Variants in RBFOX1 observed in about 807,000 individuals in gnomAD.
RBFOX1 encodes RNA binding protein fox-1 homolog 1.
Under a neutral mutation model 57.7 loss-of-function variants are expected in RBFOX1, and 8 were observed. The ratio of observed to expected loss-of-function variants is 0.14; its 90% CI spans 0.08 to 0.25. RBFOX1 has a LOEUF of 0.25. RBFOX1 is among the 10% of genes least tolerant of loss of function. The pLI, the probability that RBFOX1 is intolerant of heterozygous loss-of-function variation, is 1.00. For missense variants in RBFOX1, 611 were observed against 548.5 expected (o/e 1.11, Z -1.14); for synonymous variants, 326 against 222.4 (o/e 1.47, Z -4.15).
intron 1 of RBFOX1, among the ~76,000 whole-genome samples, chr16:6,244,582 CA>C (rs2097558733): frequency 3.3e-5 from 5 of 152,172 alleles, no homozygotes; most frequent in Admixed American, 6.5e-5. Flanking sequence ...CAGCTCACTG[CA>C]ATGTTCGCCT....
chr16:5,893,857 C>T (rs755270122), intron 4 of RBFOX1, among the ~76,000 whole-genome samples: 2 of 151,796 alleles, frequency 1.3e-5, no homozygotes, highest in Non-Finnish European at 2.9e-5. Context: ...TGCTATGTAC[C>T]TACAAAAATT....
chr16:6,686,156 A>C (rs1312401805), intron 3 of RBFOX1, among the ~76,000 whole-genome samples: 2 of 152,214 alleles, frequency 1.3e-5, no homozygotes, highest in Non-Finnish European at 2.9e-5. Flanking sequence ...AAGCAGAGAG[A>C]ATGTGAAGGA....
intron 3 of RBFOX1, among the ~76,000 whole-genome samples, chr16:6,863,725 CTTTTTTTTTT>C (rs71408412): frequency 1.5e-5 from 1 of 67,778 alleles, no homozygotes; most frequent in South Asian, 6.7e-4. Flanking sequence ...GATGCCTGCG[CTTTTTTTTTT>C]TTTTTTTTTT....
intron 4 of RBFOX1, among the ~76,000 whole-genome samples, chr16:7,259,269 A>AGAGAG (rs1458348832): frequency 7.2e-5 from 11 of 152,340 alleles, no homozygotes; most frequent in African/African-American, 2.6e-4. Flanking sequence ...CTAGTAGGAA[A>AGAGAG]GCAACTGCAA....
chr16:5,363,866 T>C (rs1022138693), intron 1 of RBFOX1, among the ~76,000 whole-genome samples: 1 of 152,194 alleles, frequency 6.6e-6, no homozygotes, highest in Non-Finnish European at 1.5e-5. Flanking sequence ...TGTCTATTCA[T>C]TTTTCTGCCT....
intron 2 of RBFOX1, among the ~76,000 whole-genome samples, chr16:6,380,016 A>G (rs769871154): frequency 1.3e-5 from 2 of 152,158 alleles, no homozygotes; most frequent in African/African-American, 4.8e-5. Flanking sequence ...CCCTGTTAAC[A>G]GGCAAGAAAG....
chr16:7,150,170 C>G lies in RBFOX1; in HGVS notation c.27+98072C>G, dbSNP rs141925518. Among the ~76,000 whole-genome samples the G allele has an allele frequency of 4.4e-3, 663 of 152,240 alleles. 2 individuals are homozygous for G. The highest frequency in any genetic ancestry group is 0.015 in the African/African-American group (634 of 41,532). On this transcript the variant is annotated intron_variant, in intron 4 of 15. Coordinates refer to ENST00000550418, the MANE Select transcript of RBFOX1 (RefSeq NM_018723.4). ...GTTTCCTATTAGCAGCCTCCTTCTG[C>G]TAGAACATGCACATCCGAAGGACAA...
chr16:5,314,228 C>T (rs2064169516), intron 1 of RBFOX1, among the ~76,000 whole-genome samples: 1 of 152,180 alleles, frequency 6.6e-6, no homozygotes, highest in African/African-American at 2.4e-5. Flanking sequence ...TAAGCTTAGG[C>T]AACCCAACTT....
chr16:5,529,302 A>G (rs1254675620), intron 2 of RBFOX1, among the ~76,000 whole-genome samples: 1 of 152,014 alleles, frequency 6.6e-6, no homozygotes, highest in Non-Finnish European at 1.5e-5. Context: ...CTACCTTAGA[A>G]TGTGAGAAAA....
intron 3 of RBFOX1, among the ~76,000 whole-genome samples, chr16:6,713,161 T>C (rs767010096): frequency 9.2e-5 from 14 of 152,098 alleles, no homozygotes; most frequent in Non-Finnish European, 1.6e-4. Flanking sequence ...AATATGCCAA[T>C]CTTTTGTTCC....
intron 3 of RBFOX1, among the ~76,000 whole-genome samples, chr16:6,702,401 A>G (rs551497340): frequency 1.3e-5 from 2 of 152,286 alleles, no homozygotes; most frequent in South Asian, 2.1e-4. Context: ...TAAAAATACA[A>G]AAATCTGCCT....
intron 3 of RBFOX1, among the ~76,000 whole-genome samples, chr16:5,865,274 T>C (rs959237575): frequency 6.6e-6 from 1 of 152,166 alleles, no homozygotes; most frequent in Admixed American, 6.5e-5. Context: ...CCCAGGGATC[T>C]TGTGTGCTTG....
intron 4 of RBFOX1, among the ~76,000 whole-genome samples, chr16:7,413,562 G>A (rs1302884080): frequency 4.6e-5 from 7 of 151,562 alleles, no homozygotes; most frequent in South Asian, 2.1e-4. Context: ...CATCCATTCC[G>A]CCATAGATTC....
intron 4 of RBFOX1, among the ~76,000 whole-genome samples, chr16:5,987,303 G>A (rs182123267): frequency 3.9e-5 from 6 of 152,106 alleles, no homozygotes; most frequent in African/African-American, 1.4e-4. Context: ...TGGGGTATGT[G>A]GTTTACAAAT....
At chr16:7,694,960 A>G (rs2078323777) in intron 14 of RBFOX1, among the ~76,000 whole-genome samples, 1 of 152,200 alleles carries the variant, frequency 6.6e-6, no homozygotes, top group African/African-American at 2.4e-5. Flanking sequence ...CAAACATGAA[A>G]AAGATATTGA....
chr16:6,144,945 C>T (rs930467755), intron 1 of RBFOX1, among the ~76,000 whole-genome samples: 1 of 152,118 alleles, frequency 6.6e-6, no homozygotes, highest in Non-Finnish European at 1.5e-5. Context: ...TGAATTCCCT[C>T]TAGGAAAAGC....
chr16:6,467,584 A>G (rs1273507659), intron 2 of RBFOX1, among the ~76,000 whole-genome samples: 1 of 152,134 alleles, frequency 6.6e-6, no homozygotes, highest in Non-Finnish European at 1.5e-5. Context: ...TTTTGCTCCA[A>G]GCTTTTGGAG....
rs150080253 is a variant in RBFOX1, at chr16:5,891,439, A to C, written c.351+24104A>C. The stretch of plus-strand genomic sequence containing the variant: ...ACACTTTAATTTACATCTTTTAATA[A>C]CTTTGGTTGCCATGGAAGCATTGGA... On this transcript the variant is annotated intron_variant, in intron 4 of 19. Transcript: ENST00000641259. Among the ~76,000 whole-genome samples, 10 of 152,334 alleles carry C rather than the reference A, an allele frequency of 6.6e-5. No individual in the cohort carries two copies. The East Asian group carries it at 1.9e-3, about 29-fold the overall frequency.
intron 4 of RBFOX1, among the ~76,000 whole-genome samples, chr16:7,414,810 G>T (rs2098463153): frequency 6.6e-6 from 1 of 152,110 alleles, no homozygotes; most frequent in Non-Finnish European, 1.5e-5. Flanking sequence ...TAGAGATGGG[G>T]TTTTGCCATG....
Sources: gnomAD v4.1 joint callset for allele counts (sites outside exome capture counted in the v4.1 genomes callset) on GRCh38, gnomAD v4.1.1 for gene constraint, MANE v1.5 for transcripts, NCBI Gene and HGNC (gene_info 2026-07-23, HGNC 2026-07-21) for gene names.